APPL2: variants seen among roughly 807,000 people sequenced by gnomAD.
APPL2 encodes the protein DCC-interacting protein 13-beta.
APPL2 carries 84 observed loss-of-function variants against 92.7 expected under a neutral mutation model. The ratio of observed to expected loss-of-function variants is 0.91; its 90% CI spans 0.76 to 1.09. APPL2 has a LOEUF of 1.09. Among genes scored for constraint, APPL2 ranks in the 50% least tolerant of loss-of-function variants. The probability of loss-of-function intolerance (pLI) is 0.00; values close to 1 mark genes in which losing one functional copy is unlikely to be tolerated. For missense variants in APPL2, 736 were observed against 824.5 expected (o/e 0.89, Z 1.31); for synonymous variants, 291 against 291.0 (o/e 1.00, Z 0.00).
chr12:105,203,723 GGA>G lies in APPL2; in HGVS notation c.682_683del (p.Ser228ArgfsTer30). On this transcript the variant is annotated frameshift_variant, in exon 9 of 21. Transcript: ENST00000258530. LOFTEE classifies it high-confidence loss of function. ...FSKRMDSFLS[S>X]VADMVQSIQV... ...ATTACCTTTGAACCATGTCTGCAAC[GGA>G]GGATAAAAAGCTGTCCATACGTTTG... The G allele has an allele frequency of 1.9e-6, 3 of 1,614,182 alleles. No homozygotes were observed.
chr12:105,177,134 C>G (rs1885623072), intron 18 of APPL2, 92 bp downstream of exon 18: 2 of 1,596,440 alleles, frequency 1.3e-6, no homozygotes, highest in Non-Finnish European at 1.7e-6. Flanking sequence ...AGTGGCAGAT[C>G]TTTATTAATA....
At chr12:105,228,369 G>A (rs1037080529) in intron 2 of APPL2, among the ~76,000 whole-genome samples, 32 of 150,972 alleles carry the variant, frequency 2.1e-4, no homozygotes, top group Admixed American at 2.6e-4. Flanking sequence ...GGAGCATTTC[G>A]GATTTTGGAT....
Position 105,176,057 on chromosome 12 carries a change from T to G in APPL2, c.1838A>C (p.Lys613Thr). The change falls in exon 20 of 21, where the codon AAA becomes ACA. Residue 613 changes from lysine to threonine, a missense_variant. Coordinates refer to ENST00000258530, the MANE Select transcript of APPL2 (RefSeq NM_018171.5). ...EKICYAINLGKEIIEVQKDPE... is the reference protein window; with the variant it reads ...EKICYAINLGTEIIEVQKDPE... ...TACCTTCTGAACCTCAATAATTTCT[T>G]TTCCCAAATTAATAGCATAACATAT... is the stretch of plus-strand genomic sequence containing the variant. The G allele has an allele frequency of 6.3e-7, 1 of 1,592,200 alleles. No individual in the cohort carries two copies. The highest frequency in any genetic ancestry group is 8.5e-7 in the Non-Finnish European group (1 of 1,172,488).
intron 8 of APPL2, among the ~76,000 whole-genome samples, chr12:105,205,687 TA>T (rs1427981762): frequency 6.6e-6 from 1 of 152,236 alleles, no homozygotes; most frequent in East Asian, 1.9e-4. Flanking sequence ...TGAGCAAGGC[TA>T]CGGCCCCAGA....
intron 5 of APPL2, among the ~76,000 whole-genome samples, chr12:105,208,930 A>C (rs970106868): frequency 8.5e-5 from 13 of 152,256 alleles, no homozygotes; most frequent in Non-Finnish European, 1.5e-4. Context: ...CAAACAAAGC[A>C]AAGCCATTCA....
chr12:105,196,079 GA>G (rs1266322830), intron 11 of APPL2, among the ~76,000 whole-genome samples: 1 of 150,522 alleles, frequency 6.6e-6, no homozygotes, highest in East Asian at 2.0e-4. Context: ...AAAAGAAAAA[GA>G]AAAAAGAAAA....
chr12:105,216,338 G>C (rs769432523), intron 4 of APPL2, among the ~76,000 whole-genome samples: 1 of 151,804 alleles, frequency 6.6e-6, no homozygotes, highest in Non-Finnish European at 1.5e-5. Flanking sequence ...CAAAGCAAGA[G>C]GCCATCCCTA....
intron 17 of APPL2, among the ~76,000 whole-genome samples, chr12:105,182,566 T>C (rs1196858): frequency 0.5 from 76,325 of 152,026 alleles, 19,331 homozygotes; most frequent in Middle Eastern, 0.68. Context: ...TTGTGCAGTT[T>C]TGAATGACTT....
chr12:105,233,635 G>C (rs561942175), intron 1 of APPL2, among the ~76,000 whole-genome samples: 1 of 152,334 alleles, frequency 6.6e-6, no homozygotes, highest in South Asian at 2.1e-4. Flanking sequence ...TCCTTTTAGT[G>C]AAACATTTTA....
At chr12:105,183,886 A>G (rs1382448207) in intron 17 of APPL2, among the ~76,000 whole-genome samples, 2 of 152,196 alleles carry the variant, frequency 1.3e-5, no homozygotes, top group Non-Finnish European at 2.9e-5. Flanking sequence ...TGTCACTTTC[A>G]GGTACACCAA....
intron 3 of APPL2, among the ~76,000 whole-genome samples, chr12:105,217,397 G>T (rs1889777540): frequency 6.6e-6 from 1 of 152,112 alleles, no homozygotes; most frequent in African/African-American, 2.4e-5. Flanking sequence ...TTATTTCCTG[G>T]AATTGCTAAT....
chr12:105,206,781 G>A (rs776997983), intron 8 of APPL2: 86 of 287,356 alleles, frequency 3.0e-4, no homozygotes, highest in Admixed American at 1.9e-4. Flanking sequence ...GCTTTCATTC[G>A]GATTAGAAAA....
chr12:105,199,239 T>C, intron 10 of APPL2, 134 bp downstream of exon 10: 1 of 1,055,696 alleles, frequency 9.5e-7, no homozygotes, highest in Non-Finnish European at 1.4e-6. Context: ...GTGGGAGGGC[T>C]GCTGTGATGG....
chr12:105,223,286 A>T (rs1890253860), intron 2 of APPL2, among the ~76,000 whole-genome samples: 1 of 152,238 alleles, frequency 6.6e-6, no homozygotes, highest in Admixed American at 6.5e-5. Flanking sequence ...GTTGTTTCGA[A>T]TAAAGACCCA....
intron 1 of APPL2, among the ~76,000 whole-genome samples, chr12:105,231,609 C>G (rs1232197307): frequency 2.6e-5 from 4 of 152,188 alleles, no homozygotes; most frequent in Non-Finnish European, 4.4e-5. Context: ...CTCTCATCAG[C>G]GAGCATGATC....
intron 14 of APPL2, among the ~76,000 whole-genome samples, chr12:105,193,024 G>A (rs1887353136): frequency 1.3e-5 from 2 of 152,112 alleles, no homozygotes; most frequent in African/African-American, 4.8e-5. Context: ...AAAAGAGATA[G>A]TATCCCTCTC....
intron 14 of APPL2, among the ~76,000 whole-genome samples, chr12:105,192,719 G>C (rs2440697): frequency 1 from 152,298 of 152,298 alleles, 76,149 homozygotes; most frequent in Non-Finnish European, 1. Flanking sequence ...CTTAACATTG[G>C]GGTGCTTCCC....
At chr12:105,193,198 AG>A (rs1280201375) in intron 14 of APPL2, among the ~76,000 whole-genome samples, 1 of 152,138 alleles carries the variant, frequency 6.6e-6, no homozygotes, top group Admixed American at 6.5e-5. Flanking sequence ...ATTCTAGAAT[AG>A]GGGGAAAAGT....
At position 105,177,562 on chromosome 12, in the gene APPL2, A is replaced by G. The variant is rs552311116; in HGVS notation, c.1635-300T>C. The stretch of plus-strand genomic sequence containing the variant: ...TTATAATCCTCAACAGATCTGCTAT[A>G]TAATATGGATGGATTATATTCTGTA... On this transcript the variant is annotated intron_variant, in intron 17 of 20. Coordinates refer to ENST00000258530, the MANE Select transcript of APPL2 (RefSeq NM_018171.5). 16 of 392,846 alleles carry G rather than the reference A, an allele frequency of 4.1e-5. No individual in the cohort carries two copies. In the East Asian group the frequency reaches 7.4e-4, roughly 18 times the overall value. 24.3% of individuals were successfully genotyped at this position (392,846 alleles called of 1,614,324 possible).
Sources: allele counts gnomAD v4.1 joint callset (sites outside exome capture counted in the v4.1 genomes callset), GRCh38; gene constraint gnomAD v4.1.1; transcripts MANE v1.5; gene names NCBI Gene and HGNC (gene_info 2026-07-23, HGNC 2026-07-21).